The following GRIK4 variants were observed in gnomAD, a reference collection of about 807,000 sequenced individuals.
The protein encoded by GRIK4 is glutamate receptor ionotropic, kainate 4.
In GRIK4, 40 loss-of-function variants were observed where a neutral mutation model predicts 104.9. That is an observed-to-expected ratio of 0.38 (90% CI 0.30 to 0.50). The LOEUF (loss-of-function observed/expected upper bound fraction) is 0.50, where lower values mean the gene tolerates loss of function less well. GRIK4 is among the 20% of genes least tolerant of loss of function. The pLI is 0.93. For synonymous variants in GRIK4, 485 were observed against 524.9 expected (o/e 0.92, Z 1.04); for missense variants, 1,047 against 1,308.1 (o/e 0.80, Z 3.08).
intron 13 of GRIK4, among the ~76,000 whole-genome samples, chr11:120,917,247 C>CAAAAAAAA (rs199620498): frequency 6.9e-4 from 24 of 34,594 alleles, no homozygotes; most frequent in African/African-American, 1.1e-3. Flanking sequence ...AACTCCGTCT[C>CAAAAAAAA]AAAAAAAAAA....
intron 18 of GRIK4, among the ~76,000 whole-genome samples, chr11:120,963,965 G>GTTTT (rs1161642381): frequency 0.036 from 3,583 of 100,760 alleles, 145 homozygotes; most frequent in African/African-American, 0.11. Flanking sequence ...GGTTTCCTAT[G>GTTTT]TTTTTATTTA....
At chr11:120,781,642 G>A (rs922468337) in intron 3 of GRIK4, among the ~76,000 whole-genome samples, 10 of 152,296 alleles carry the variant, frequency 6.6e-5, no homozygotes, top group East Asian at 3.9e-4. Flanking sequence ...ATGAGCCACC[G>A]TGCCCTGCCC....
At chr11:120,546,598 C>A (rs1429763624) in intron 1 of GRIK4, among the ~76,000 whole-genome samples, 1 of 152,114 alleles carries the variant, frequency 6.6e-6, no homozygotes, top group African/African-American at 2.4e-5. Context: ...ATAGCATATC[C>A]CCATGGGAGT....
chr11:120,717,852 C>T (rs1022806005), intron 3 of GRIK4, among the ~76,000 whole-genome samples: 25 of 152,130 alleles, frequency 1.6e-4, no homozygotes, highest in Admixed American at 1.4e-3. Context: ...TGAGGCTCCA[C>T]GGGCTTAGGC....
chr11:120,769,409 C>A (rs1951898029), intron 3 of GRIK4, among the ~76,000 whole-genome samples: 1 of 152,052 alleles, frequency 6.6e-6, no homozygotes, highest in African/African-American at 2.4e-5. Context: ...GCCATTATAG[C>A]ACAAAAGCAG....
chr11:120,975,347 C>T (rs547607019), intron 19 of GRIK4, among the ~76,000 whole-genome samples: 4 of 152,140 alleles, frequency 2.6e-5, no homozygotes, highest in South Asian at 2.1e-4. Context: ...TGGAGAGAGC[C>T]GAGGCTGGAA....
At chr11:120,812,026 C>T (rs377618752) in intron 4 of GRIK4, among the ~76,000 whole-genome samples, 34 of 152,238 alleles carry the variant, frequency 2.2e-4, no homozygotes, top group Admixed American at 4.6e-4. Context: ...TTTGCCCCAC[C>T]GTTTAAAGAA....
intron 19 of GRIK4, among the ~76,000 whole-genome samples, chr11:120,969,700 C>T (rs939970287): frequency 6.6e-6 from 1 of 152,120 alleles, no homozygotes; most frequent in South Asian, 2.1e-4. Context: ...GAAAGAGCGC[C>T]GTCTCTCCTC....
chr11:120,773,039 G>A (rs1951977355), intron 3 of GRIK4, among the ~76,000 whole-genome samples: 1 of 152,160 alleles, frequency 6.6e-6, no homozygotes, highest in Non-Finnish European at 1.5e-5. Context: ...TATTATTGAG[G>A]ATTGATCATA....
chr11:120,552,807 C>T (rs969944510), intron 1 of GRIK4, among the ~76,000 whole-genome samples: 3 of 152,018 alleles, frequency 2.0e-5, no homozygotes, highest in African/African-American at 7.3e-5. Context: ...AGAGACCGGC[C>T]TGGCCAACAT....
chr11:120,866,929 A>G (rs1592006972), intron 9 of GRIK4, among the ~76,000 whole-genome samples: 2 of 151,986 alleles, frequency 1.3e-5, no homozygotes, highest in African/African-American at 4.8e-5. Flanking sequence ...GCCTTCTCCT[A>G]TTTTCCTTCT....
At chr11:120,680,097 A>C (rs1441445033) in intron 3 of GRIK4, among the ~76,000 whole-genome samples, 2 of 151,814 alleles carry the variant, frequency 1.3e-5, no homozygotes, top group Non-Finnish European at 2.9e-5. Context: ...TCTTTTCTTG[A>C]GATAGAGTCT....
chr11:120,806,179 G>A (rs1952708172), intron 4 of GRIK4, among the ~76,000 whole-genome samples: 1 of 152,088 alleles, frequency 6.6e-6, no homozygotes, highest in East Asian at 1.9e-4. Flanking sequence ...CCCCACATTT[G>A]AACGGGCTTC....
chr11:120,617,094 G>A (rs552629911), intron 1 of GRIK4, among the ~76,000 whole-genome samples: 26 of 152,336 alleles, frequency 1.7e-4, no homozygotes, highest in African/African-American at 5.5e-4. Flanking sequence ...AAAGTGTTAC[G>A]TGTAAGTAGT....
At chr11:120,825,240 T>A (rs1349316518) in intron 6 of GRIK4, among the ~76,000 whole-genome samples, 2 of 152,176 alleles carry the variant, frequency 1.3e-5, no homozygotes, top group African/African-American at 4.8e-5. Context: ...TCTGAATATT[T>A]TAATGTCCTT....
intron 1 of GRIK4, among the ~76,000 whole-genome samples, chr11:120,637,828 T>C (rs921703304): frequency 3.3e-5 from 5 of 152,138 alleles, no homozygotes; most frequent in African/African-American, 1.2e-4. Flanking sequence ...CACCCTGACT[T>C]ATCTTGTTCC....
At chr11:120,652,217 A>T (rs1011948161) in intron 1 of GRIK4, among the ~76,000 whole-genome samples, 16 of 152,242 alleles carry the variant, frequency 1.1e-4, no homozygotes, top group African/African-American at 3.9e-4. Context: ...CATAGAGTTC[A>T]GTTCTTACAA....
intron 4 of GRIK4, among the ~76,000 whole-genome samples, chr11:120,812,391 C>T (rs1416394147): frequency 3.3e-5 from 5 of 152,188 alleles, no homozygotes; most frequent in African/African-American, 1.2e-4. Context: ...CTTTCTAGGC[C>T]TCAGCTTCCC....
chr11:120,540,388 A>T (rs1311097718), intron 1 of GRIK4, among the ~76,000 whole-genome samples: 1 of 152,030 alleles, frequency 6.6e-6, no homozygotes, highest in African/African-American at 2.4e-5. Flanking sequence ...TGGGAGGCTG[A>T]GGGGGGCGAA....
Sources: gnomAD v4.1 joint callset for allele counts (sites outside exome capture counted in the v4.1 genomes callset) on GRCh38, gnomAD v4.1.1 for gene constraint, MANE v1.5 for transcripts, NCBI Gene and HGNC (gene_info 2026-07-23, HGNC 2026-07-21) for gene names.